Variants in RNGTT observed in about 807,000 individuals in gnomAD.
RNGTT encodes mRNA-capping enzyme.
RNGTT carries 33 observed loss-of-function variants against 79.3 expected under a neutral mutation model. The ratio of observed to expected loss-of-function variants is 0.42; its 90% CI spans 0.32 to 0.56. The LOEUF (loss-of-function observed/expected upper bound fraction) is 0.56, where lower values mean the gene tolerates loss of function less well. RNGTT is among the 20% of genes least tolerant of loss of function. The pLI, the probability that RNGTT is intolerant of heterozygous loss-of-function variation, is 0.17. For synonymous variants in RNGTT, 222 were observed against 235.9 expected, an observed-to-expected ratio of 0.94 and a Z score of 0.54; for missense variants, 497 against 739.1, an observed-to-expected ratio of 0.67 and a Z score of 3.80.
chr6:88,658,608 T>C (rs1774068537), intron 14 of RNGTT, among the ~76,000 whole-genome samples: 1 of 152,228 alleles, frequency 6.6e-6, no homozygotes, highest in Non-Finnish European at 1.5e-5. Flanking sequence ...GTATTGTTCC[T>C]GGGTGTATCT....
chr6:88,767,908 T>C (rs1582436327), intron 13 of RNGTT, among the ~76,000 whole-genome samples: 1 of 152,146 alleles, frequency 6.6e-6, no homozygotes, highest in African/African-American at 2.4e-5. Flanking sequence ...ATGTTCAACA[T>C]ATCAATATTT....
At chr6:88,654,091 C>T (rs1773891765) in intron 14 of RNGTT, among the ~76,000 whole-genome samples, 1 of 152,154 alleles carries the variant, frequency 6.6e-6, no homozygotes, top group African/African-American at 2.4e-5. Context: ...CAGAAAGTTA[C>T]AGTGTAGGGT....
At chr6:88,927,177 G>A (rs1784346840) in intron 4 of RNGTT, among the ~76,000 whole-genome samples, 2 of 152,152 alleles carry the variant, frequency 1.3e-5, no homozygotes, top group South Asian at 4.1e-4. Context: ...GCCCTAAGAA[G>A]AGAAAGAACT....
intron 8 of RNGTT, among the ~76,000 whole-genome samples, chr6:88,855,712 G>T (rs532355582): frequency 1.3e-5 from 2 of 152,234 alleles, no homozygotes; most frequent in South Asian, 2.1e-4. Flanking sequence ...TTCAGCCTCA[G>T]TCTGGACTGA....
At chr6:88,679,858 C>A (rs1409771743) in intron 13 of RNGTT, among the ~76,000 whole-genome samples, 1 of 152,184 alleles carries the variant, frequency 6.6e-6, no homozygotes, top group Non-Finnish European at 1.5e-5. Context: ...TAAATGGATA[C>A]AACTCCAGTC....
intron 11 of RNGTT, among the ~76,000 whole-genome samples, chr6:88,839,752 G>C (rs1781204013): frequency 6.6e-6 from 1 of 152,104 alleles, no homozygotes; most frequent in Non-Finnish European, 1.5e-5. Flanking sequence ...TTAAAGTTTT[G>C]TTAGTCATAT....
chr6:88,933,710 A>G (rs953735129), intron 2 of RNGTT, among the ~76,000 whole-genome samples: 3 of 152,130 alleles, frequency 2.0e-5, no homozygotes, highest in Non-Finnish European at 4.4e-5. Context: ...AACATAATAA[A>G]CTCAAGTTCC....
chr6:88,960,740 G>C (rs1036995695), intron 1 of RNGTT, among the ~76,000 whole-genome samples: 2 of 152,212 alleles, frequency 1.3e-5, no homozygotes, highest in South Asian at 2.1e-4. Flanking sequence ...CTCTCTCATT[G>C]CAAGTCTGGT....
intron 13 of RNGTT, among the ~76,000 whole-genome samples, chr6:88,688,602 A>G (rs1775362968): frequency 6.6e-6 from 1 of 152,262 alleles, no homozygotes; most frequent in African/African-American, 2.4e-5. Flanking sequence ...GGAAGTACTG[A>G]AAAATGATGG....
chr6:88,887,807 G>C (rs1782916845), intron 8 of RNGTT, among the ~76,000 whole-genome samples: 1 of 152,146 alleles, frequency 6.6e-6, no homozygotes, highest in Non-Finnish European at 1.5e-5. Context: ...TGTGAAGAAA[G>C]CAATGCAGAA....
intron 14 of RNGTT, among the ~76,000 whole-genome samples, chr6:88,626,117 C>T (rs1772623091): frequency 6.6e-6 from 1 of 151,946 alleles, no homozygotes; most frequent in Non-Finnish European, 1.5e-5. Flanking sequence ...ATAATTTGAT[C>T]AGGGGTTAAT....
rs1001749696 is a variant in RNGTT at position 88,963,472 on chromosome 6, C to T, written c.-63G>A. The T allele has an allele frequency of 4.7e-6, 7 of 1,474,194 alleles. No homozygotes were observed. Among genetic ancestry groups the T allele is most frequent in the Non-Finnish European group, 6.4e-6 (7 of 1,101,586 alleles). The allele number at this position is 1,474,194 out of a possible 1,614,324, so 91.3% of individuals were successfully genotyped here. Reference sequence around the variant, plus strand: ...GTTCACCGCGCCTTTGGAGCCGCCTCCCCGTGGTCCGGTGCACACCGGGGT... The same window carrying T: ...GTTCACCGCGCCTTTGGAGCCGCCTTCCCGTGGTCCGGTGCACACCGGGGT... On this transcript the variant is annotated 5_prime_UTR_variant, in exon 1 of 16. Transcript: ENST00000369485.
intron 14 of RNGTT, among the ~76,000 whole-genome samples, chr6:88,631,853 T>C (rs1246507879): frequency 1.3e-5 from 2 of 152,014 alleles, no homozygotes; most frequent in Non-Finnish European, 2.9e-5. Context: ...CTAGAAACAC[T>C]TCTCTGAGTT....
chr6:88,847,406 C>T (rs1158520310), intron 10 of RNGTT, among the ~76,000 whole-genome samples: 3 of 151,964 alleles, frequency 2.0e-5, no homozygotes, highest in Non-Finnish European at 4.4e-5. Context: ...AGCTAATAAA[C>T]TAAGGGACTG....
chr6:88,741,707 G>C (rs549597013), intron 13 of RNGTT, among the ~76,000 whole-genome samples: 1 of 152,230 alleles, frequency 6.6e-6, no homozygotes, highest in East Asian at 1.9e-4. Context: ...TGAAGTCTTC[G>C]AAAGCACATT....
Position 88,929,283 on chromosome 6 carries a change from AAT to A in RNGTT, c.175-18_175-17del. The A allele has an allele frequency of 6.7e-7, 1 of 1,483,216 alleles. No homozygotes were observed. Among genetic ancestry groups the A allele is most frequent in the Non-Finnish European group, 9.3e-7 (1 of 1,079,334 alleles). 91.9% of individuals were successfully genotyped at this position (1,483,216 alleles called of 1,614,324 possible). A position where few individuals can be genotyped will look rare whatever the true frequency, so the allele number is the denominator to read the frequency against. On this transcript the variant is annotated splice_polypyrimidine_tract_variant and intron_variant, in intron 2 of 15. Coordinates refer to ENST00000369485, the MANE Select transcript of RNGTT (RefSeq NM_003800.5). ...CCATTTTAACCTAAAAAAAAAAAAAAATGAAAGGGCAAATTTACTAGTAACTT... is the reference window on the plus strand; with the variant it reads ...CCATTTTAACCTAAAAAAAAAAAAAAGAAAGGGCAAATTTACTAGTAACTT...
intron 13 of RNGTT, among the ~76,000 whole-genome samples, chr6:88,713,326 T>C (rs907379781): frequency 1.3e-5 from 2 of 152,170 alleles, no homozygotes; most frequent in African/African-American, 4.8e-5. Flanking sequence ...TCCCATCCTC[T>C]AAAACTATGA....
chr6:88,729,775 C>T (rs866411624), intron 13 of RNGTT, among the ~76,000 whole-genome samples: 1 of 152,168 alleles, frequency 6.6e-6, no homozygotes, highest in Non-Finnish European at 1.5e-5. Context: ...AACACCGCCC[C>T]TGATGGAAGT....
intron 12 of RNGTT, among the ~76,000 whole-genome samples, chr6:88,776,025 G>A (rs1778866174): frequency 1.3e-5 from 2 of 152,086 alleles, no homozygotes; most frequent in South Asian, 4.1e-4. Flanking sequence ...TCTCTATGAG[G>A]TACTAATTTC....
Sources: allele counts gnomAD v4.1 joint callset (sites outside exome capture counted in the v4.1 genomes callset), GRCh38; gene constraint gnomAD v4.1.1; transcripts MANE v1.5; gene names NCBI Gene and HGNC (gene_info 2026-07-23, HGNC 2026-07-21).